PHF21A: variants seen among roughly 807,000 people sequenced by gnomAD.
PHF21A encodes BHC80a.
PHF21A carries 11 observed loss-of-function variants against 82.5 expected under a neutral mutation model. The observed-to-expected ratio is 0.13, with a 90% CI of 0.08 to 0.22. The LOEUF (loss-of-function observed/expected upper bound fraction) is 0.22. PHF21A is among the 10% of genes least tolerant of loss of function. The pLI is 1.00. For synonymous variants in PHF21A, 297 were observed against 302.8 expected, an observed-to-expected ratio of 0.98 and a Z score of 0.20; for missense variants, 579 against 837.8, an observed-to-expected ratio of 0.69 and a Z score of 3.81.
Position 45,946,017 on chromosome 11 carries a change from G to A in PHF21A, c.1289-14C>T, listed in dbSNP as rs2091234191. On this transcript the variant is annotated splice_polypyrimidine_tract_variant and intron_variant, in intron 14 of 18. Coordinates refer to ENST00000676320, the MANE Select transcript of PHF21A (RefSeq NM_001352027.3). ...TTGGAGGACGACCTATATACCAAGA[G>A]AAGGGAACAAAAGGGAAAAACGGGG... 6.2e-7 allele frequency: 1 copy of A among 1,613,892 alleles called. No homozygotes were observed. The highest frequency in any genetic ancestry group is 8.5e-7 in the Non-Finnish European group (1 of 1,179,952).
chr11:46,113,166 C>G (rs904462335), intron 1 of PHF21A, among the ~76,000 whole-genome samples: 5 of 152,214 alleles, frequency 3.3e-5, no homozygotes, highest in African/African-American at 1.2e-4. Flanking sequence ...GTGCTCTAAT[C>G]TGAAGTTAAG....
intron 6 of PHF21A, among the ~76,000 whole-genome samples, chr11:45,993,249 T>C (rs2094779721): frequency 6.6e-6 from 1 of 152,222 alleles, no homozygotes; most frequent in African/African-American, 2.4e-5. Context: ...GGTACTATTT[T>C]CCACAAATAT....
chr11:45,997,574 A>C (rs1327875916), intron 6 of PHF21A, among the ~76,000 whole-genome samples: 2 of 148,664 alleles, frequency 1.3e-5, no homozygotes, highest in Non-Finnish European at 3.0e-5. Context: ...CTGCCTAATA[A>C]CATTTTTCAT....
intron 10 of PHF21A, among the ~76,000 whole-genome samples, chr11:45,955,433 G>A (rs560608473): frequency 1.3e-5 from 2 of 152,306 alleles, no homozygotes; most frequent in East Asian, 3.9e-4. Context: ...TGAATAGGAA[G>A]GAGAGAAGTA....
chr11:45,990,844 T>C (rs1197071023), intron 6 of PHF21A, among the ~76,000 whole-genome samples: 1 of 152,030 alleles, frequency 6.6e-6, no homozygotes, highest in Admixed American at 6.5e-5. Context: ...AAGCTACACA[T>C]AGCAGAACAT....
intron 1 of PHF21A, among the ~76,000 whole-genome samples, chr11:46,098,808 T>C (rs2135660378): frequency 6.6e-6 from 1 of 152,314 alleles, no homozygotes; most frequent in Admixed American, 6.5e-5. Context: ...AAGTGCCTCC[T>C]ATTAACACTA....
At chr11:45,936,640 G>T in intron 16 of PHF21A, 71 bp from the exon 17 acceptor site, 1 of 951,874 alleles carries the variant, frequency 1.1e-6, no homozygotes, top group Non-Finnish European at 1.7e-6. Flanking sequence ...ACAGCTAGCA[G>T]TGGTATCTGT....
At chr11:45,965,230 AG>A (rs1456380735) in intron 10 of PHF21A, 84 bp downstream of exon 10, 11 of 1,161,308 alleles carry the variant, frequency 9.5e-6, no homozygotes, top group Non-Finnish European at 1.4e-5. Flanking sequence ...AGAGCCCTTG[AG>A]AAAATGTATT....
chr11:46,102,688 G>C (rs544039078), intron 1 of PHF21A, among the ~76,000 whole-genome samples: 1 of 152,056 alleles, frequency 6.6e-6, no homozygotes, highest in Non-Finnish European at 1.5e-5. Context: ...GAGGTAAAAA[G>C]GTATTTTTCT....
At chr11:46,091,745 C>T (rs1037609188) in intron 2 of PHF21A, among the ~76,000 whole-genome samples, 26 of 152,220 alleles carry the variant, frequency 1.7e-4, no homozygotes, top group Admixed American at 8.5e-4. Context: ...ATGAGGGTCT[C>T]GTTTTGTTGC....
intron 6 of PHF21A, among the ~76,000 whole-genome samples, chr11:46,008,774 T>C (rs911793790): frequency 6.6e-5 from 10 of 152,082 alleles, no homozygotes; most frequent in Non-Finnish European, 1.2e-4. Context: ...TTTAAGTAAA[T>C]AAATGTAAAT....
At chr11:45,936,158 G>C in intron 17 of PHF21A, among the ~76,000 whole-genome samples, 1 of 152,130 alleles carries the variant, frequency 6.6e-6, no homozygotes, top group East Asian at 1.9e-4. Flanking sequence ...CACACCTATA[G>C]TCTCAGCTAT....
chr11:45,939,616 C>T (rs931702413), intron 15 of PHF21A, among the ~76,000 whole-genome samples: 4 of 151,990 alleles, frequency 2.6e-5, no homozygotes, highest in African/African-American at 9.7e-5. Context: ...TGGAAAAAGA[C>T]GAGCAGCCCC....
At chr11:46,058,724 A>T (rs1182482674) in intron 6 of PHF21A, among the ~76,000 whole-genome samples, 1 of 152,184 alleles carries the variant, frequency 6.6e-6, no homozygotes, top group African/African-American at 2.4e-5. Context: ...TGATCTAGCC[A>T]TGTCTGTACT....
At chr11:45,949,151 G>A (rs577026373) in intron 13 of PHF21A, among the ~76,000 whole-genome samples, 1 of 152,324 alleles carries the variant, frequency 6.6e-6, no homozygotes, top group African/African-American at 2.4e-5. Context: ...TGTTGCCGAT[G>A]ACAGCTGTAT....
intron 1 of PHF21A, among the ~76,000 whole-genome samples, chr11:46,112,284 TC>T (rs2097223075): frequency 2.0e-5 from 3 of 152,186 alleles, no homozygotes; most frequent in African/African-American, 7.2e-5. Context: ...AGCCTGAGCT[TC>T]TGATCAAATT....
chr11:45,936,432 T>G (rs1314897042), intron 17 of PHF21A, 62 bp downstream of exon 17: 2 of 931,628 alleles, frequency 2.1e-6, no homozygotes, highest in East Asian at 5.0e-5. Context: ...AAACAAATAC[T>G]GCCAGTATTT....
chr11:46,078,317 T>C (rs966936746), intron 5 of PHF21A, among the ~76,000 whole-genome samples: 11 of 152,198 alleles, frequency 7.2e-5, no homozygotes, highest in African/African-American at 2.7e-4. Context: ...AAAAACTTGA[T>C]TTTACTTTAC....
At chr11:46,116,998 C>CCCTG (rs1193356223) in intron 1 of PHF21A, 1 of 152,114 alleles carries the variant, frequency 6.6e-6, no homozygotes, top group African/African-American at 2.4e-5. Context: ...ACTATAGTGT[C>CCCTG]CAGGGTGCAC....
Sources: gnomAD v4.1 joint callset for allele counts (sites outside exome capture counted in the v4.1 genomes callset) on GRCh38, gnomAD v4.1.1 for gene constraint, MANE v1.5 for transcripts, NCBI Gene and HGNC (gene_info 2026-07-23, HGNC 2026-07-21) for gene names.